CFDP1: variants seen among roughly 807,000 people sequenced by gnomAD.
The protein encoded by CFDP1 is chromatin remodeling protein CFDP1.
CFDP1 carries 31 observed loss-of-function variants against 40.1 expected under a neutral mutation model. That is an observed-to-expected ratio of 0.77 (90% CI 0.58 to 1.04). The LOEUF is 1.04. Ranked by LOEUF, CFDP1 falls within the 50% of genes least tolerant of loss-of-function variation. The pLI is 0.00. For synonymous variants in CFDP1, 167 were observed against 120.0 expected, an observed-to-expected ratio of 1.39 and a Z score of -2.56; for missense variants, 423 against 343.4, an observed-to-expected ratio of 1.23 and a Z score of -1.83.
chr16:75,368,244 T>A (rs1347255672), intron 5 of CFDP1, among the ~76,000 whole-genome samples: 1 of 152,240 alleles, frequency 6.6e-6, no homozygotes, highest in Non-Finnish European at 1.5e-5. Context: ...CAAGAAATTA[T>A]TATTATTTTT....
chr16:75,419,906 T>C (rs1215726149), intron 1 of CFDP1, among the ~76,000 whole-genome samples: 2 of 152,150 alleles, frequency 1.3e-5, no homozygotes, highest in Non-Finnish European at 2.9e-5. Context: ...AGACATTCTT[T>C]ATTCCTCTAC....
intron 5 of CFDP1, among the ~76,000 whole-genome samples, chr16:75,382,203 C>T (rs75943394): frequency 6.6e-6 from 1 of 151,674 alleles, no homozygotes; most frequent in African/African-American, 2.4e-5. Flanking sequence ...AATTAGATGA[C>T]ATACTATATT....
At chr16:75,326,122 T>C (rs772320076) in intron 5 of CFDP1, among the ~76,000 whole-genome samples, 31 of 152,350 alleles carry the variant, frequency 2.0e-4, no homozygotes, top group East Asian at 5.8e-4. Context: ...AAAAGTGATA[T>C]TGGAGTCATT....
intron 5 of CFDP1, among the ~76,000 whole-genome samples, chr16:75,388,164 T>A (rs1032223963): frequency 1.6e-4 from 25 of 152,244 alleles, no homozygotes; most frequent in African/African-American, 6.0e-4. Context: ...GACGCCTCTC[T>A]GAACCTCAGT....
intron 5 of CFDP1, among the ~76,000 whole-genome samples, chr16:75,352,999 T>A (rs1289990676): frequency 6.6e-6 from 1 of 152,212 alleles, no homozygotes; most frequent in Non-Finnish European, 1.5e-5. Context: ...GAGGAACATG[T>A]TAAACTCTAC....
chr16:75,356,228 C>A (rs1325575552), intron 5 of CFDP1, among the ~76,000 whole-genome samples: 2 of 152,200 alleles, frequency 1.3e-5, no homozygotes, highest in Non-Finnish European at 2.9e-5. Context: ...ATAAGACCAT[C>A]ACAGCTTGTC....
chr16:75,358,049 A>G (rs2078657229), intron 5 of CFDP1, among the ~76,000 whole-genome samples: 1 of 152,208 alleles, frequency 6.6e-6, no homozygotes, highest in Non-Finnish European at 1.5e-5. Context: ...TATTTACCAA[A>G]TAAGTTTGTT....
chr16:75,368,228 G>A (rs555858176), intron 5 of CFDP1, among the ~76,000 whole-genome samples: 15 of 152,204 alleles, frequency 9.9e-5, no homozygotes, highest in African/African-American at 3.6e-4. Context: ...ACTAAATACT[G>A]GATATCAAGA....
At chr16:75,316,877 C>T (rs1039464584) in intron 5 of CFDP1, among the ~76,000 whole-genome samples, 2 of 151,858 alleles carry the variant, frequency 1.3e-5, no homozygotes, top group African/African-American at 4.8e-5. Flanking sequence ...GCTACTCCTA[C>T]TGCCTCAGCA....
chr16:75,314,863 T>G (rs189122468), intron 5 of CFDP1, among the ~76,000 whole-genome samples: 1 of 152,174 alleles, frequency 6.6e-6, no homozygotes, highest in Non-Finnish European at 1.5e-5. Context: ...GCAATTCTCC[T>G]GTCTCAGCCT....
At chr16:75,386,375 C>T (rs766108839) in intron 5 of CFDP1, among the ~76,000 whole-genome samples, 26 of 152,206 alleles carry the variant, frequency 1.7e-4, no homozygotes, top group Non-Finnish European at 3.2e-4. Flanking sequence ...GTATTCAATC[C>T]GAACTGACAG....
chr16:75,427,304 G>T (rs1296567578), intron 1 of CFDP1, among the ~76,000 whole-genome samples: 4 of 151,672 alleles, frequency 2.6e-5, no homozygotes, highest in Admixed American at 2.6e-4. Context: ...AGGCTGGAGT[G>T]CAGTGGCACA....
intron 1 of CFDP1, among the ~76,000 whole-genome samples, chr16:75,420,150 T>G (rs1461287298): frequency 6.6e-6 from 1 of 150,660 alleles, no homozygotes; most frequent in East Asian, 1.9e-4. Context: ...AAAAGCAATT[T>G]AAGTTTTAAC....
intron 5 of CFDP1, among the ~76,000 whole-genome samples, chr16:75,313,070 T>C (rs1168548926): frequency 6.6e-6 from 1 of 152,208 alleles, no homozygotes; most frequent in Non-Finnish European, 1.5e-5. Context: ...ACTGGTCTAT[T>C]GTTCCACTGC....
intron 5 of CFDP1, among the ~76,000 whole-genome samples, chr16:75,306,155 A>G (rs2078255548): frequency 6.6e-6 from 1 of 152,256 alleles, no homozygotes; most frequent in Non-Finnish European, 1.5e-5. Flanking sequence ...AAACATTTAA[A>G]AACTATGAGC....
chr16:75,384,500 A>G lies in CFDP1; in HGVS notation c.650+10590T>C, dbSNP rs78344550. 4.3e-3 allele frequency among the ~76,000 whole-genome samples: 656 copies of G among 152,346 alleles called. 2 individuals are homozygous for G. Among genetic ancestry groups the G allele is most frequent in the Admixed American group, 8.1e-3 (124 of 15,292 alleles). ...AATGTATGGAAACTGGTCTTCTCAC[A>G]TAATACTGGCATGACTTCAAATTGC... On this transcript the variant is annotated intron_variant, in intron 5 of 6. Coordinates refer to ENST00000283882, the MANE Select transcript of CFDP1 (RefSeq NM_006324.3).
Position 75,407,668 on chromosome 16 carries a change from A to AG in CFDP1, c.530+4156_530+4157insC, listed in dbSNP as rs1358155760. On this transcript the variant is annotated intron_variant, in intron 4 of 6. Coordinates refer to ENST00000283882, the MANE Select transcript of CFDP1 (RefSeq NM_006324.3). ...AGACCCTGTCTCAAAAAAAAAAAAAAAAAAGAAAAAAAAGAATTCATGTAT... is the reference window on the plus strand; with the variant it reads ...AGACCCTGTCTCAAAAAAAAAAAAAAGAAAAGAAAAAAAAGAATTCATGTAT... Among the ~76,000 whole-genome samples the AG allele has an allele frequency of 5.5e-5, 8 of 146,654 alleles. No individual in the cohort carries two copies. In the East Asian group the frequency reaches 6.9e-4, roughly 13 times the overall value.
chr16:75,353,701 A>G (rs942024688), intron 5 of CFDP1, among the ~76,000 whole-genome samples: 1 of 143,354 alleles, frequency 7.0e-6, no homozygotes, highest in Non-Finnish European at 1.5e-5. Flanking sequence ...GTGAGCCGAG[A>G]TCGTGCCACT....
Position 75,303,337 on chromosome 16 carries a change from G to A in CFDP1, c.809+1687C>T, listed in dbSNP as rs113532451. On this transcript the variant is annotated intron_variant, in intron 6 of 6. Coordinates refer to ENST00000283882, the MANE Select transcript of CFDP1 (RefSeq NM_006324.3). ...CCCAAGATCACGCCATTGCACTCCAGCCTGGGTGACAGGGTGAGACTCCAT... is the reference window on the plus strand; with the variant it reads ...CCCAAGATCACGCCATTGCACTCCAACCTGGGTGACAGGGTGAGACTCCAT... 6.1e-3 allele frequency among the ~76,000 whole-genome samples: 928 copies of A among 152,142 alleles called. 2 individuals are homozygous for A. Among genetic ancestry groups the A allele is most frequent in the African/African-American group, 0.022 (893 of 41,492 alleles).
Sources: gnomAD v4.1 joint callset for allele counts (sites outside exome capture counted in the v4.1 genomes callset) on GRCh38, gnomAD v4.1.1 for gene constraint, MANE v1.5 for transcripts, NCBI Gene and HGNC (gene_info 2026-07-23, HGNC 2026-07-21) for gene names.